Variants in ADGRL3 observed in about 807,000 individuals in gnomAD.
ADGRL3 encodes calcium-independent alpha-latrotoxin receptor 3.
Under a neutral mutation model 153.5 loss-of-function variants are expected in ADGRL3, and 62 were observed. The ratio of observed to expected loss-of-function variants is 0.40; its 90% confidence interval spans 0.33 to 0.50. The LOEUF is 0.50. ADGRL3 is among the 20% of genes least tolerant of loss of function. ADGRL3 has a pLI of 0.47. For synonymous variants in ADGRL3, 710 were observed against 672.5 expected, an observed-to-expected ratio of 1.06 and a Z score of -0.86; for missense variants, 1,641 against 1,859.4, an observed-to-expected ratio of 0.88 and a Z score of 2.16.
At chr4:61,977,925 T>C (rs1217362670) in intron 17 of ADGRL3, among the ~76,000 whole-genome samples, 1 of 152,060 alleles carries the variant, frequency 6.6e-6, no homozygotes, top group African/African-American at 2.4e-5. Flanking sequence ...GCCCAATAGG[T>C]TTTCTACCAT....
intron 8 of ADGRL3, among the ~76,000 whole-genome samples, chr4:61,776,686 AATAAC>A (rs1308397853): frequency 6.6e-6 from 1 of 152,176 alleles, no homozygotes; most frequent in African/African-American, 2.4e-5. Context: ...ATAGTATTGT[AATAAC>A]ATAAAAGAAC....
At chr4:61,795,695 A>G (rs563794057) in intron 8 of ADGRL3, among the ~76,000 whole-genome samples, 5 of 152,192 alleles carry the variant, frequency 3.3e-5, no homozygotes, top group Non-Finnish European at 5.9e-5. Flanking sequence ...ACGTGTGTGT[A>G]GTTTATTGAG....
Position 61,922,507 on chromosome 4 carries a change from G to T in ADGRL3, c.2112+9750G>T, listed in dbSNP as rs867381758. Among the ~76,000 whole-genome samples, 8 of 152,114 alleles carry T rather than the reference G, an allele frequency of 5.3e-5. No homozygotes were observed. In the South Asian group the frequency reaches 1.0e-3, roughly 20 times the overall value. On this transcript the variant is annotated intron_variant, in intron 13 of 26. Transcript: ENST00000683033. ...TTAACTGAAGTCCACAGTTTACTCA[G>T]ATTTTTAAATTTATTATCTATGTCC...
intron 8 of ADGRL3, among the ~76,000 whole-genome samples, chr4:61,758,936 T>C (rs556510791): frequency 3.3e-5 from 5 of 152,354 alleles, no homozygotes; most frequent in African/African-American, 1.2e-4. Flanking sequence ...CCTTCACTTA[T>C]GAAGCTTAGT....
chr4:62,031,707 G>C, intron 23 of ADGRL3, 97 bp downstream of exon 23: 1 of 810,904 alleles, frequency 1.2e-6, no homozygotes, highest in Non-Finnish European at 1.8e-6. Flanking sequence ...TGATATGTTT[G>C]TCTACAAGAA....
chr4:62,033,139 T>A (rs1345839926), intron 23 of ADGRL3, among the ~76,000 whole-genome samples: 1 of 151,746 alleles, frequency 6.6e-6, no homozygotes, highest in East Asian at 1.9e-4. Context: ...TGATGAAGAT[T>A]CAAACAACCT....
At chr4:61,681,480 A>T in intron 6 of ADGRL3, among the ~76,000 whole-genome samples, 1 of 152,178 alleles carries the variant, frequency 6.6e-6, no homozygotes, top group East Asian at 1.9e-4. Flanking sequence ...GGGGAAGTAC[A>T]CAATTTGGAA....
intron 3 of ADGRL3, among the ~76,000 whole-genome samples, chr4:61,503,340 G>A (rs1218251553): frequency 6.6e-6 from 1 of 151,888 alleles, no homozygotes; most frequent in East Asian, 1.9e-4. Flanking sequence ...TTTGTGTATT[G>A]TGACTATTTG....
intron 9 of ADGRL3, among the ~76,000 whole-genome samples, chr4:61,877,268 T>C (rs1394849182): frequency 6.6e-6 from 1 of 152,190 alleles, no homozygotes; most frequent in African/African-American, 2.4e-5. Flanking sequence ...CAAAGCATTA[T>C]GCTTAGTGAA....
chr4:61,260,709 C>A (rs908028474), intron 1 of ADGRL3, among the ~76,000 whole-genome samples: 2 of 151,832 alleles, frequency 1.3e-5, no homozygotes, highest in African/African-American at 4.8e-5. Flanking sequence ...GCAATAAAAT[C>A]TTAGTGGCCT....
chr4:61,979,607 G>T lies in ADGRL3; in HGVS notation c.2850G>T (p.Trp950Cys). 6.2e-7 allele frequency: 1 copy of T among 1,613,826 alleles called. No homozygotes were observed. Among genetic ancestry groups the T allele is most frequent in the Non-Finnish European group, 8.5e-7 (1 of 1,179,852 alleles). The part of the protein sequence containing the change: ...VHDLLLDVIT[W>C]VGILLSLVCL... ...ACCTCCTTCTGGATGTGATCACGTG[G>T]GTTGGAATTTTGCTGTCCCTTGTTT... The change falls in exon 18 of 27, where the codon TGG becomes TGT. Residue 950 changes from tryptophan (W) to cysteine (C), a missense_variant. Transcript: ENST00000683033.
intron 4 of ADGRL3, among the ~76,000 whole-genome samples, chr4:61,532,301 T>G: frequency 6.6e-6 from 1 of 152,108 alleles, no homozygotes; most frequent in East Asian, 1.9e-4. Flanking sequence ...GGGAAAAAAC[T>G]TTATCAGCAA....
chr4:61,603,149 T>C (rs1329580966), intron 5 of ADGRL3, among the ~76,000 whole-genome samples: 1 of 152,174 alleles, frequency 6.6e-6, no homozygotes, highest in Non-Finnish European at 1.5e-5. Context: ...AACATTTCAA[T>C]AGACCACATA....
At chr4:61,292,941 C>G (rs1016430760) in intron 1 of ADGRL3, among the ~76,000 whole-genome samples, 1 of 152,062 alleles carries the variant, frequency 6.6e-6, no homozygotes, top group Non-Finnish European at 1.5e-5. Context: ...TTCCTAAGAT[C>G]GCCTGTCCAA....
At chr4:61,356,416 A>G (rs2096170718) in intron 1 of ADGRL3, among the ~76,000 whole-genome samples, 1 of 152,070 alleles carries the variant, frequency 6.6e-6, no homozygotes, top group Admixed American at 6.5e-5. Flanking sequence ...AAGTGATTCT[A>G]GATATTAAGA....
intron 6 of ADGRL3, among the ~76,000 whole-genome samples, chr4:61,709,100 C>T (rs1164486122): frequency 6.6e-6 from 1 of 152,130 alleles, no homozygotes; most frequent in Non-Finnish European, 1.5e-5. Flanking sequence ...TGAGCCACTG[C>T]ACCCGGCTCA....
chr4:61,558,514 C>A (rs1483935074), intron 4 of ADGRL3, among the ~76,000 whole-genome samples: 2 of 151,802 alleles, frequency 1.3e-5, no homozygotes, highest in African/African-American at 2.4e-5. Context: ...TTTTAGAGAT[C>A]GCTCTCTCTC....
At chr4:61,904,434 C>A (rs765975244) in intron 11 of ADGRL3, among the ~76,000 whole-genome samples, 1 of 152,020 alleles carries the variant, frequency 6.6e-6, no homozygotes, top group Non-Finnish European at 1.5e-5. Context: ...CAGGTGTGAG[C>A]CATTCGCCTG....
At chr4:61,510,492 C>T (rs1469851386) in intron 3 of ADGRL3, among the ~76,000 whole-genome samples, 1 of 152,118 alleles carries the variant, frequency 6.6e-6, no homozygotes, top group Admixed American at 6.5e-5. Context: ...GCCAGTTATC[C>T]TAACACCGTT....
Sources: gnomAD v4.1 joint callset for allele counts (sites outside exome capture counted in the v4.1 genomes callset) on GRCh38, gnomAD v4.1.1 for gene constraint, MANE v1.5 for transcripts, NCBI Gene and HGNC (gene_info 2026-07-23, HGNC 2026-07-21) for gene names.